Variants in ITGAE observed in about 807,000 individuals in gnomAD.
ITGAE encodes the protein integrin subunit alpha E, also known as integrin alpha-E.
In ITGAE, 99 loss-of-function variants were observed where a neutral mutation model predicts 136.5. That is an observed-to-expected ratio of 0.73 (90% CI 0.62 to 0.86). ITGAE has a LOEUF of 0.86. ITGAE is among the 40% of genes least tolerant of loss of function. The probability of loss-of-function intolerance (pLI) is 0.00; values close to 1 mark genes in which losing one functional copy is unlikely to be tolerated. For synonymous variants in ITGAE, 613 were observed against 591.8 expected, an observed-to-expected ratio of 1.04 and a Z score of -0.52; for missense variants, 1,447 against 1,515.3, an observed-to-expected ratio of 0.95 and a Z score of 0.75.
At chr17:3,770,389 C>A (rs1222402375) in intron 2 of ITGAE, among the ~76,000 whole-genome samples, 4 of 152,110 alleles carry the variant, frequency 2.6e-5, no homozygotes, top group Admixed American at 1.3e-4. Flanking sequence ...CTCAGCCTCC[C>A]AAAGTGCTGG....
rs548050297 is a variant in ITGAE, at chr17:3,800,797, C to T, written c.34+314G>A. 3.3e-5 allele frequency among the ~76,000 whole-genome samples: 5 copies of T among 152,302 alleles called. No homozygotes were observed. The East Asian group carries it at 7.7e-4, about 24-fold the overall frequency. On this transcript the variant is annotated intron_variant, in intron 1 of 30. Transcript: ENST00000263087. ...CAAACTACAGAGTCAAGGACCTGCCCCAAGTGGGTGCCATGGGGAGAGGGC... is the reference window on the plus strand; with the variant it reads ...CAAACTACAGAGTCAAGGACCTGCCTCAAGTGGGTGCCATGGGGAGAGGGC...
intron 26 of ITGAE, chr17:3,724,503 G>T (rs78982870): frequency 2.5e-6 from 4 of 1,613,794 alleles, no homozygotes; most frequent in Non-Finnish European, 3.4e-6. Context: ...CATCTCGATC[G>T]GCACCTCCGC....
Position 3,751,735 on chromosome 17 carries a change from C to T in ITGAE, c.1808G>A (p.Gly603Asp), listed in dbSNP as rs770141468. ...GCTGGCACCATCATCTGCCCCAAAACCTTCCAGGGGGGCCCCGATGGCCAC... is the reference window on the plus strand; with the variant it reads ...GCTGGCACCATCATCTGCCCCAAAATCTTCCAGGGGGGCCCCGATGGCCAC... The part of the protein sequence containing the change: ...TDVAIGAPLE[G>D]FGADDGASFG... The change falls in exon 15 of 31, where the codon GGT becomes GAT. Residue 603 changes from glycine to aspartate, a missense_variant. This residue lies in a region of ITGAE where 1,031 missense variants were observed against 1,011.4 expected (regional missense o/e 1.02). Transcript: ENST00000263087. The T allele has an allele frequency of 4.3e-6, 7 of 1,614,080 alleles. No homozygotes were observed. In the East Asian group the frequency reaches 1.6e-4, roughly 36 times the overall value.
chr17:3,728,368 C>CTTTTTTTTTTTT, intron 24 of ITGAE, 200 bp from the exon 25 acceptor site: 1 of 165,554 alleles, frequency 6.0e-6, no homozygotes, highest in Non-Finnish European at 1.1e-5. Flanking sequence ...ACACTCATCC[C>CTTTTTTTTTTTT]TTTTTTTTTT....
chr17:3,731,029 TCA>T (rs2051329362), intron 23 of ITGAE, 73 bp downstream of exon 23: 1 of 1,246,580 alleles, frequency 8.0e-7, no homozygotes, highest in Non-Finnish European at 1.2e-6. Context: ...GCCGTTCCTC[TCA>T]CAGCGTGCAT....
chr17:3,735,015 T>C (rs947311604), intron 20 of ITGAE, 66 bp from the exon 21 acceptor site: 4 of 1,567,544 alleles, frequency 2.6e-6, no homozygotes, highest in Non-Finnish European at 3.5e-6. Context: ...CGCAATACAA[T>C]AGGACATTCA....
At chr17:3,796,094 C>CCT (rs1378666691) in intron 1 of ITGAE, among the ~76,000 whole-genome samples, 3 of 81,866 alleles carry the variant, frequency 3.7e-5, no homozygotes, top group Non-Finnish European at 4.9e-5. Flanking sequence ...TGTATGCATC[C>CCT]GTGTGTGTGC....
intron 1 of ITGAE, among the ~76,000 whole-genome samples, chr17:3,779,773 A>G (rs1196536136): frequency 6.6e-6 from 1 of 152,150 alleles, no homozygotes; most frequent in East Asian, 1.9e-4. Context: ...TAATTTTTCA[A>G]CTTTTCTATA....
chr17:3,764,567 T>G (rs916722483), intron 2 of ITGAE, among the ~76,000 whole-genome samples: 1 of 152,034 alleles, frequency 6.6e-6, no homozygotes, highest in East Asian at 1.9e-4. Context: ...CATGGTGGCG[T>G]GTGCCTGTAG....
chr17:3,766,842 AT>A (rs1478373189), intron 2 of ITGAE, among the ~76,000 whole-genome samples: 260 of 112,434 alleles, frequency 2.3e-3, no homozygotes, highest in African/African-American at 8.5e-3. Context: ...AATAATAATA[AT>A]AATAAACCTG....
At chr17:3,796,466 C>T (rs1441860718) in intron 1 of ITGAE, among the ~76,000 whole-genome samples, 1 of 152,150 alleles carries the variant, frequency 6.6e-6, no homozygotes, top group Admixed American at 6.6e-5. Context: ...CTTCCGTCTC[C>T]CCTCTGGGAC....
intron 26 of ITGAE, chr17:3,723,997 G>T (rs371387394): frequency 6.3e-7 from 1 of 1,594,892 alleles, no homozygotes; most frequent in Non-Finnish European, 8.5e-7. Flanking sequence ...GCTGCGGACG[G>T]CAGGAGACAG....
At chr17:3,725,889 T>C (rs2051199060) in intron 26 of ITGAE, 5 of 1,611,720 alleles carry the variant, frequency 3.1e-6, no homozygotes, top group Non-Finnish European at 4.2e-6. Context: ...AGACTTACAC[T>C]GGGGGAACGT....
chr17:3,791,342 G>A (rs988933364), intron 1 of ITGAE, among the ~76,000 whole-genome samples: 1 of 151,868 alleles, frequency 6.6e-6, no homozygotes, highest in African/African-American at 2.4e-5. Flanking sequence ...GAGTGCAGTG[G>A]TGCGATCTCA....
chr17:3,748,619 C>T (rs569183464), intron 16 of ITGAE, among the ~76,000 whole-genome samples: 1 of 152,118 alleles, frequency 6.6e-6, no homozygotes, highest in South Asian at 2.1e-4. Context: ...TAATAAGGAC[C>T]GAGGGCTACT....
chr17:3,796,052 T>C (rs1456733114), intron 1 of ITGAE, among the ~76,000 whole-genome samples: 3 of 15,118 alleles, frequency 2.0e-4, no homozygotes, highest in Non-Finnish European at 3.7e-4. Context: ...TGTGTGCATC[T>C]GTGTGTGTGC....
rs1321895602 is a variant in ITGAE, at chr17:3,716,599, C to CT, written c.3444+88dup. 4 of 781,966 alleles carry CT rather than the reference C, an allele frequency of 5.1e-6. No homozygotes were observed. In the Admixed American group the frequency reaches 8.9e-5, roughly 17 times the overall value. 48.4% of individuals were successfully genotyped at this position (781,966 alleles called of 1,614,324 possible). ...TGGCCACGAGGCCAGGGCAGCTGCT[C>CT]TAAGTCAGAGGTTGGCTGTCCTAAG... On this transcript the variant is annotated intron_variant, in intron 30 of 30. Transcript: ENST00000263087.
chr17:3,753,307 A>G lies in ITGAE; in HGVS notation c.1651T>C (p.Tyr551His). ...VHGEEGRVYV[Y>H]RLSEQDGSFS... ...TCTCCCACCTGCTCGCTGAGACGGT[A>G]CACGTAGACTCTGCCTTCTTCTCCA... The change falls in exon 14 of 31, where the codon TAC (tyrosine) becomes CAC (histidine). Residue 551 changes from tyrosine to histidine, a missense_variant. Tyr to His is a moderately conservative substitution (Grantham distance 83). Around this residue, in one of 3 missense-constraint regions of ITGAE, gnomAD observed 1,031 missense variants for 1,011.4 expected, o/e 1.02. Coordinates refer to ENST00000263087, the MANE Select transcript of ITGAE (RefSeq NM_002208.5). The G allele has an allele frequency of 6.2e-7, 1 of 1,614,100 alleles. No individual in the cohort carries two copies. Among genetic ancestry groups the G allele is most frequent in the South Asian group, 1.1e-5 (1 of 91,072 alleles).
intron 19 of ITGAE, among the ~76,000 whole-genome samples, chr17:3,742,139 G>C (rs1273096949): frequency 2.0e-5 from 3 of 152,118 alleles, no homozygotes; most frequent in Non-Finnish European, 4.4e-5. Flanking sequence ...ACAAATTGAG[G>C]AACATTCTAC....
Sources: allele counts gnomAD v4.1 joint callset (sites outside exome capture counted in the v4.1 genomes callset), GRCh38; gene constraint gnomAD v4.1.1; regional missense constraint gnomAD v4.1.1; transcripts MANE v1.5; gene names NCBI Gene and HGNC (gene_info 2026-07-23, HGNC 2026-07-21).